The following MAML2 variants were observed in gnomAD, a reference collection of about 807,000 sequenced individuals.
The protein encoded by MAML2 is mastermind like transcriptional coactivator 2, also known as mastermind-like protein 2.
MAML2 carries 22 observed loss-of-function variants against 96.1 expected under a neutral mutation model. That is an observed-to-expected ratio of 0.23 (90% CI 0.16 to 0.33). MAML2 has a LOEUF of 0.33. Among genes scored for constraint, MAML2 ranks in the 10% least tolerant of loss-of-function variants. The pLI is 1.00. For synonymous variants in MAML2, 561 were observed against 521.3 expected (o/e 1.08, Z -1.04); for missense variants, 1,367 against 1,392.4 (o/e 0.98, Z 0.29).
At chr11:96,030,685 T>C (rs1237579494) in intron 2 of MAML2, among the ~76,000 whole-genome samples, 1 of 152,216 alleles carries the variant, frequency 6.6e-6, no homozygotes, top group African/African-American at 2.4e-5. Context: ...CTGAGTGTTC[T>C]ATAGTGACCC....
At chr11:96,049,566 C>G (rs564536241) in intron 2 of MAML2, among the ~76,000 whole-genome samples, 1 of 152,296 alleles carries the variant, frequency 6.6e-6, no homozygotes, top group South Asian at 2.1e-4. Flanking sequence ...CCTGACTAAA[C>G]TCTTGGCTCC....
rs1168710475 is a variant in MAML2, at chr11:96,092,129, G to A, written c.1902C>T (p.Ser634=). Residue 634 remains serine (S), a synonymous_variant, in exon 2 of 5, where the codon AGC becomes AGT. Transcript: ENST00000524717. This position sits in a 1 kb window ranked among gnomAD's most constrained non-coding sequence, Gnocchi z 4.1. ...GCTGCTGCTGTTGGGCTGAAATTGA[G>A]CTCTGCTGCTGTTGCTGTTGTTGAG... ...ISAQQQQQQQ[S]SISAQQQQQQ... 6.5e-7 allele frequency: 1 copy of A among 1,541,962 alleles called. No homozygotes were observed. Among genetic ancestry groups the A allele is most frequent in the Non-Finnish European group, 8.7e-7 (1 of 1,143,790 alleles).
intron 2 of MAML2, among the ~76,000 whole-genome samples, chr11:96,006,164 C>T (rs909375700): frequency 5.3e-5 from 8 of 152,160 alleles, no homozygotes; most frequent in Non-Finnish European, 1.0e-4. Flanking sequence ...AAGCAAGCCA[C>T]TAAATACTTC....
At chr11:96,136,404 G>A (rs1456880579) in intron 1 of MAML2, among the ~76,000 whole-genome samples, 2 of 151,318 alleles carry the variant, frequency 1.3e-5, no homozygotes, top group Non-Finnish European at 2.9e-5. Flanking sequence ...AGATGTTGTT[G>A]ATTATGTAGT....
chr11:96,077,524 C>G (rs1410142450), intron 2 of MAML2, among the ~76,000 whole-genome samples: 1 of 152,104 alleles, frequency 6.6e-6, no homozygotes, highest in Non-Finnish European at 1.5e-5. Context: ...ACTGGCCTAC[C>G]CCATCTTTTT....
At chr11:96,306,690 A>AT (rs921807454) in intron 1 of MAML2, among the ~76,000 whole-genome samples, 6 of 151,928 alleles carry the variant, frequency 3.9e-5, no homozygotes, top group East Asian at 3.9e-4. Flanking sequence ...AACTTACACT[A>AT]TTTTTTTCAC....
At chr11:96,062,035 A>G (rs1020754122) in intron 2 of MAML2, among the ~76,000 whole-genome samples, 4 of 152,196 alleles carry the variant, frequency 2.6e-5, no homozygotes, top group Non-Finnish European at 4.4e-5. Flanking sequence ...AAAAGTGCAT[A>G]TTTTAAAGAA....
chr11:96,216,012 A>C (rs1244680310), intron 1 of MAML2, among the ~76,000 whole-genome samples: 2 of 151,980 alleles, frequency 1.3e-5, no homozygotes, highest in African/African-American at 4.8e-5. Context: ...GCATATTTTG[A>C]GACAGAGTTA....
intron 2 of MAML2, among the ~76,000 whole-genome samples, chr11:96,048,544 T>C (rs1296037330): frequency 6.6e-6 from 1 of 152,232 alleles, no homozygotes; most frequent in East Asian, 1.9e-4. Flanking sequence ...TTTATGTGGC[T>C]ATTTTCTAAG....
At chr11:96,131,608 C>T (rs937370022) in intron 1 of MAML2, among the ~76,000 whole-genome samples, 1 of 152,118 alleles carries the variant, frequency 6.6e-6, no homozygotes, top group Admixed American at 6.5e-5. Context: ...TTAGTAGTTA[C>T]AGGAATCCAT....
chr11:96,202,677 G>A (rs779650625), intron 1 of MAML2, among the ~76,000 whole-genome samples: 7 of 151,562 alleles, frequency 4.6e-5, no homozygotes, highest in Non-Finnish European at 1.0e-4. Context: ...ACCCAGGCTG[G>A]AGTGCAATGG....
intron 1 of MAML2, among the ~76,000 whole-genome samples, chr11:96,126,287 G>A (rs2135851169): frequency 6.6e-6 from 1 of 152,318 alleles, no homozygotes; most frequent in East Asian, 1.9e-4. Flanking sequence ...GCCCGGTTTG[G>A]TGGCTCACTC....
At chr11:96,218,900 T>C (rs77399733) in intron 1 of MAML2, among the ~76,000 whole-genome samples, 9,848 of 152,336 alleles carry the variant, frequency 0.065, 441 homozygotes, top group Non-Finnish European at 0.097. Context: ...CTGAGCATTT[T>C]ATATTTTTAT....
chr11:96,186,740 TAG>T (rs1007333435), intron 1 of MAML2, among the ~76,000 whole-genome samples: 1 of 152,192 alleles, frequency 6.6e-6, no homozygotes, highest in African/African-American at 2.4e-5. Flanking sequence ...GAGAAACCGA[TAG>T]AGAGAGCTTG....
In MAML2 at chr11:96,091,988, C is replaced by T. The variant is rs750663491; in HGVS notation, c.2043G>A (p.Arg681=). Residue 681 remains arginine (R), a synonymous_variant, in exon 2 of 5, where the codon AGG becomes AGA. Transcript: ENST00000524717. ...GCTTTTGCTGAAGTGGCAAAGGTGA[C>T]CTTAGCAAAGGCTGGCTTGGTAGAG... is the stretch of plus-strand genomic sequence containing the variant. ...AQSLPSQPLL[R]SPLPLQQKLL... The T allele has an allele frequency of 1.8e-5, 29 of 1,597,762 alleles. No homozygotes were observed. Among genetic ancestry groups the T allele is most frequent in the Non-Finnish European group, 2.4e-5 (28 of 1,171,858 alleles).
chr11:96,251,890 C>A (rs1591096765), intron 1 of MAML2, among the ~76,000 whole-genome samples: 3 of 152,186 alleles, frequency 2.0e-5, no homozygotes. Context: ...GGCCACCACG[C>A]ACAGCTAATT....
intron 1 of MAML2, among the ~76,000 whole-genome samples, chr11:96,187,968 T>C (rs1861597744): frequency 6.6e-6 from 1 of 152,192 alleles, no homozygotes; most frequent in Admixed American, 6.5e-5. Context: ...GCATTTGGCC[T>C]GGCCTTCATG....
At chr11:96,097,373 G>C (rs909945344) in intron 1 of MAML2, among the ~76,000 whole-genome samples, 1 of 152,160 alleles carries the variant, frequency 6.6e-6, no homozygotes, top group Non-Finnish European at 1.5e-5. Context: ...CAGGACTATG[G>C]GAGTTGGGAG....
chr11:96,243,814 T>C (rs545087316), intron 1 of MAML2, among the ~76,000 whole-genome samples: 62 of 152,154 alleles, frequency 4.1e-4, no homozygotes, highest in Non-Finnish European at 8.4e-4. Context: ...CCACCACGCC[T>C]GGCTAATTTT....
Sources: gnomAD v4.1 joint callset for allele counts (sites outside exome capture counted in the v4.1 genomes callset) on GRCh38, gnomAD v4.1.1 for gene constraint, Gnocchi (gnomAD v3.1) non-coding constraint, MANE v1.5 for transcripts, NCBI Gene and HGNC (gene_info 2026-07-23, HGNC 2026-07-21) for gene names.